ARL6: variants seen among roughly 807,000 people sequenced by gnomAD.
ARL6 encodes ARF like GTPase 6, also known as ADP-ribosylation factor-like protein 6.
ARL6 carries 18 observed loss-of-function variants against 27.1 expected under a neutral mutation model. The observed-to-expected ratio is 0.66, with a 90% confidence interval of 0.46 to 0.98. The LOEUF is 0.98. ARL6 is among the 50% of genes least tolerant of loss of function. The probability of loss-of-function intolerance (pLI) is 0.00; values close to 1 mark genes in which losing one functional copy is unlikely to be tolerated. For synonymous variants in ARL6, 65 were observed against 72.3 expected, an observed-to-expected ratio of 0.90 and a Z score of 0.51; for missense variants, 187 against 214.9, an observed-to-expected ratio of 0.87 and a Z score of 0.81.
chr3:97,780,813 TA>T, intron 4 of ARL6, 130 bp downstream of exon 4: 2 of 717,006 alleles, frequency 2.8e-6, no homozygotes, highest in Non-Finnish European at 4.8e-6. Context: ...TTTCCTATTT[TA>T]AAAAATATGT....
intron 7 of ARL6, among the ~76,000 whole-genome samples, chr3:97,795,049 C>T (rs1283922667): frequency 6.6e-6 from 1 of 152,068 alleles, no homozygotes; most frequent in Non-Finnish European, 1.5e-5. Flanking sequence ...TGCACTCCAG[C>T]CTGGGTGACA....
chr3:97,783,327 T>G (rs1036255789), intron 4 of ARL6, among the ~76,000 whole-genome samples: 1 of 151,798 alleles, frequency 6.6e-6, no homozygotes, highest in Non-Finnish European at 1.5e-5. Flanking sequence ...TATCTTGCTT[T>G]TTTCAGTTAA....
At chr3:97,785,318 C>CTTAA (rs1559684812) in intron 5 of ARL6, among the ~76,000 whole-genome samples, 1 of 40,600 alleles carries the variant, frequency 2.5e-5, no homozygotes. Flanking sequence ...TTTCTGATTA[C>CTTAA]ATAAATTGTA....
Position 97,784,955 on chromosome 3 carries a change from A to C in ARL6, c.255A>C (p.Lys85Asn). Residue 85 changes from lysine (K) to asparagine (N), a missense_variant and splice_region_variant, in exon 5 of 8, where the codon AAA (lysine) becomes AAC (asparagine). Coordinates refer to ENST00000463745, the MANE Select transcript of ARL6 (RefSeq NM_001278293.3). ...TTTTCTTTTTCTTTACATTACACAG[A>C]GAAGGCCAAGCTATTATTTTTGTCA... ...RYRNLWEHYY[K>N]EGQAIIFVID... 5.0e-6 allele frequency: 8 copies of C among 1,610,342 alleles called. No homozygotes were observed. The highest frequency in any genetic ancestry group is 6.8e-6 in the Non-Finnish European group (8 of 1,176,952).
intron 2 of ARL6, among the ~76,000 whole-genome samples, chr3:97,770,105 C>T (rs1367442353): frequency 6.6e-6 from 1 of 152,086 alleles, no homozygotes; most frequent in East Asian, 1.9e-4. Context: ...TGCGGAAACA[C>T]TATACTGTTT....
intron 7 of ARL6, among the ~76,000 whole-genome samples, chr3:97,797,497 C>G (rs1425747946): frequency 6.6e-6 from 1 of 151,942 alleles, no homozygotes; most frequent in Non-Finnish European, 1.5e-5. Flanking sequence ...TGAGGGTTGC[C>G]TAGGAGCAGC....
intron 6 of ARL6, among the ~76,000 whole-genome samples, chr3:97,789,331 T>C (rs891463870): frequency 3.9e-5 from 6 of 152,300 alleles, no homozygotes; most frequent in African/African-American, 1.4e-4. Context: ...AGAGCCTTTA[T>C]ATTTCTCTAA....
intron 1 of ARL6, among the ~76,000 whole-genome samples, chr3:97,766,420 A>G (rs2036385156): frequency 6.6e-6 from 1 of 152,222 alleles, no homozygotes; most frequent in Non-Finnish European, 1.5e-5. Context: ...ATACAAGGAG[A>G]AAAGCAGATT....
At chr3:97,786,864 T>C (rs370421317) in intron 5 of ARL6, among the ~76,000 whole-genome samples, 3 of 152,316 alleles carry the variant, frequency 2.0e-5, no homozygotes, top group East Asian at 3.9e-4. Context: ...TCTTGGCCTT[T>C]CTATTACCTA....
At chr3:97,793,590 T>G (rs1278225954) in intron 7 of ARL6, among the ~76,000 whole-genome samples, 1 of 152,190 alleles carries the variant, frequency 6.6e-6, no homozygotes, top group Non-Finnish European at 1.5e-5. Flanking sequence ...TCTGGTTTTA[T>G]TTTGTCACTA....
At chr3:97,797,984 C>T (rs1402020369) in intron 7 of ARL6, 40 bp from the exon 8 acceptor site, 4 of 1,594,466 alleles carry the variant, frequency 2.5e-6, no homozygotes, top group East Asian at 2.2e-5. Flanking sequence ...AGATTTTGCC[C>T]TATAGAGATT....
intron 2 of ARL6, among the ~76,000 whole-genome samples, chr3:97,774,772 A>G (rs1382240583): frequency 6.6e-6 from 1 of 152,100 alleles, no homozygotes; most frequent in Non-Finnish European, 1.5e-5. Flanking sequence ...CTCTTTCTCT[A>G]CAGGAGATAA....
intron 6 of ARL6, among the ~76,000 whole-genome samples, chr3:97,790,978 T>C (rs911165157): frequency 6.6e-6 from 1 of 152,124 alleles, no homozygotes; most frequent in Non-Finnish European, 1.5e-5. Context: ...TACGAGAAAC[T>C]GTACCTTTTA....
chr3:97,798,535 C>T lies in ARL6; in HGVS notation c.*486C>T, dbSNP rs1044475184. 2 of 153,192 alleles carry T rather than the reference C, an allele frequency of 1.3e-5. No individual in the cohort carries two copies. The highest frequency in any genetic ancestry group is 2.9e-5 in the Non-Finnish European group (2 of 68,938). The allele number at this position is 153,192 out of a possible 1,614,324, so 9.5% of individuals were successfully genotyped here. A position where few individuals can be genotyped will look rare whatever the true frequency, so the allele number is the denominator to read the frequency against. ...CAATAAAATGTAAAATATAATGTGCCAACTAGTGCGCTTTGTTTATGCTGA... is the reference window on the plus strand; with the variant it reads ...CAATAAAATGTAAAATATAATGTGCTAACTAGTGCGCTTTGTTTATGCTGA... On this transcript the variant is annotated 3_prime_UTR_variant, in exon 8 of 8. Coordinates refer to ENST00000463745, the MANE Select transcript of ARL6 (RefSeq NM_001278293.3).
intron 7 of ARL6, chr3:97,792,095 C>A: frequency 2.6e-6 from 1 of 381,100 alleles, no homozygotes; most frequent in Non-Finnish European, 4.8e-6. Context: ...CTTATAGCAA[C>A]AAGTTCCTGT....
intron 5 of ARL6, 51 bp from the exon 6 acceptor site, chr3:97,787,939 A>C: frequency 6.2e-7 from 1 of 1,607,584 alleles, no homozygotes; most frequent in East Asian, 2.2e-5. Context: ...ATTTGCTGCA[A>C]AATGACCTAA....
chr3:97,791,062 A>ATTATGAT (rs1238227678), intron 6 of ARL6, among the ~76,000 whole-genome samples: 16 of 152,166 alleles, frequency 1.1e-4, no homozygotes, highest in African/African-American at 3.6e-4. Context: ...ATGATTATAC[A>ATTATGAT]TAAAATCTCA....
At position 97,768,163 on chromosome 3, in the gene ARL6, A is replaced by G; in HGVS notation, c.56A>G (p.His19Arg). Residue 19 changes from histidine (H) to arginine (R), a missense_variant, in exon 2 of 8, where the codon CAT becomes CGT. Transcript: ENST00000463745. ...CTTGGCCTGAAGAAGAAGGAGGTTCATGTTTTGTGCCTTGGGCTAGATAAT... is the reference window on the plus strand; with the variant it reads ...CTTGGCCTGAAGAAGAAGGAGGTTCGTGTTTTGTGCCTTGGGCTAGATAAT... ...VLLGLKKKEVHVLCLGLDNSG... is the reference protein window; with the variant it reads ...VLLGLKKKEVRVLCLGLDNSG... 1 of 1,613,170 alleles carries G rather than the reference A, an allele frequency of 6.2e-7. No homozygotes were observed. The highest frequency in any genetic ancestry group is 1.1e-5 in the South Asian group (1 of 91,060).
rs1032522514 is a variant in ARL6, at chr3:97,785,189, T to C, written c.349+140T>C. 1.5e-5 allele frequency: 9 copies of C among 606,494 alleles called. No individual in the cohort carries two copies. The East Asian group carries it at 1.7e-4, about 11-fold the overall frequency. 37.6% of individuals were successfully genotyped at this position (606,494 alleles called of 1,614,324 possible). On this transcript the variant is annotated intron_variant, in intron 5 of 7. Transcript: ENST00000463745. Reference sequence around the variant, plus strand: ...TTTAAAACATATATGTTATACAAAATTTATATTTTATGTACATCACCATAT... The same window carrying C: ...TTTAAAACATATATGTTATACAAAACTTATATTTTATGTACATCACCATAT...
Sources: allele counts gnomAD v4.1 joint callset (sites outside exome capture counted in the v4.1 genomes callset), GRCh38; gene constraint gnomAD v4.1.1; transcripts MANE v1.5; gene names NCBI Gene and HGNC (gene_info 2026-07-23, HGNC 2026-07-21).